The following TAS2R1 variants were observed in gnomAD, a reference collection of about 807,000 sequenced individuals.
TAS2R1 encodes taste 2 receptor member 1.
For synonymous variants in TAS2R1, 141 were observed against 134.2 expected (o/e 1.05, Z -0.35); for missense variants, 370 against 353.4 (o/e 1.05, Z -0.38).
intron 1 of TAS2R1, among the ~76,000 whole-genome samples, chr5:9,702,686 C>A (rs1741515860): frequency 6.6e-6 from 1 of 152,232 alleles, no homozygotes; most frequent in Middle Eastern, 3.4e-3. Context: ...TTAATTGAAA[C>A]AATGGGCCTG....
chr5:9,733,609 T>G, the TAS2R1 span, among the ~76,000 whole-genome samples: 1 of 152,232 alleles, frequency 6.6e-6, no homozygotes, highest in Non-Finnish European at 1.5e-5. Context: ...GCTCACATTC[T>G]GGCCTTAGAC....
At chr5:9,875,764 C>T in the TAS2R1 span, among the ~76,000 whole-genome samples, 26 of 152,232 alleles carry the variant, frequency 1.7e-4, no homozygotes, top group South Asian at 3.3e-3. Context: ...CATCTCCCTC[C>T]GAGTAGGTTA....
the TAS2R1 span, among the ~76,000 whole-genome samples, chr5:9,753,605 G>T: frequency 6.6e-6 from 1 of 152,102 alleles, no homozygotes; most frequent in Non-Finnish European, 1.5e-5. Flanking sequence ...TGGTGTTTTA[G>T]ACATGAAGTC....
At chr5:9,632,285 T>C (rs1360951890), upstream of TAS2R1, among the ~76,000 whole-genome samples, 1 of 152,232 alleles carries the variant, frequency 6.6e-6, no homozygotes, top group Non-Finnish European at 1.5e-5. Context: ...GAAAATACTT[T>C]ATTACCAAAA....
the TAS2R1 span, among the ~76,000 whole-genome samples, chr5:9,849,593 C>T: frequency 2.6e-5 from 4 of 152,238 alleles, no homozygotes; most frequent in Admixed American, 6.5e-5. Context: ...TGTGTTCCCC[C>T]CTCCTCTGGG....
At chr5:9,723,486 C>T in the TAS2R1 span, among the ~76,000 whole-genome samples, 1 of 152,210 alleles carries the variant, frequency 6.6e-6, no homozygotes, top group African/African-American at 2.4e-5. Context: ...CCTGCCACAC[C>T]TGTTCCCCAT....
At position 9,707,493 on chromosome 5, in the gene TAS2R1, G is replaced by C. The variant is rs145793966; in HGVS notation, c.-242+4679C>G. 1.0e-2 allele frequency among the ~76,000 whole-genome samples: 1,518 copies of C among 152,308 alleles called. 30 individuals carry two copies. Among genetic ancestry groups the C allele is most frequent in the African/African-American group, 0.035 (1,455 of 41,562 alleles). On this transcript the variant is annotated intron_variant, in intron 1 of 2. Transcript: ENST00000506620. The stretch of plus-strand genomic sequence containing the variant: ...ATGTTGGGAGTTCAAGACCAGCCTG[G>C]CCAACATGGGGAAACCCCGTCTCTA...
the TAS2R1 span, among the ~76,000 whole-genome samples, chr5:9,809,694 C>A: frequency 6.6e-6 from 1 of 152,112 alleles, no homozygotes; most frequent in African/African-American, 2.4e-5. Flanking sequence ...TCTTCATGTC[C>A]AGCTTAAAAT....
intron 1 of TAS2R1, among the ~76,000 whole-genome samples, chr5:9,661,496 C>CA (rs1740531404): frequency 6.6e-6 from 1 of 152,168 alleles, no homozygotes; most frequent in Non-Finnish European, 1.5e-5. Context: ...TGGAATGCCT[C>CA]AGGATGAAGG....
chr5:9,863,544 C>T, the TAS2R1 span, among the ~76,000 whole-genome samples: 3 of 152,182 alleles, frequency 2.0e-5, no homozygotes, highest in Admixed American at 1.3e-4. Context: ...GGATTACGGG[C>T]GTGAGCCACC....
intron 1 of TAS2R1, among the ~76,000 whole-genome samples, chr5:9,698,662 A>G (rs968134982): frequency 6.6e-6 from 1 of 152,168 alleles, no homozygotes; most frequent in Non-Finnish European, 1.5e-5. Flanking sequence ...GATGAATTCT[A>G]TTTAACAACA....
At chr5:9,711,979 T>G (rs1194272778) in intron 1 of TAS2R1, among the ~76,000 whole-genome samples, 6 of 144,514 alleles carry the variant, frequency 4.2e-5, no homozygotes, top group Admixed American at 3.5e-4. Flanking sequence ...TGTTCAACGT[T>G]TTTTTTTTTT....
At chr5:9,837,656 T>C in the TAS2R1 span, among the ~76,000 whole-genome samples, 1 of 152,202 alleles carries the variant, frequency 6.6e-6, no homozygotes, top group Non-Finnish European at 1.5e-5. Flanking sequence ...TCTGCTTTCC[T>C]CCATTGCACA....
upstream of TAS2R1, among the ~76,000 whole-genome samples, chr5:9,714,490 G>A (rs1734766331): frequency 6.6e-6 from 1 of 152,222 alleles, no homozygotes; most frequent in Non-Finnish European, 1.5e-5. Context: ...GGCTTCACCA[G>A]ATGTGTGATC....
chr5:9,714,072 GCACTCAC>G (rs1324778579), upstream of TAS2R1: 4 of 152,200 alleles, frequency 2.6e-5, no homozygotes, highest in East Asian at 7.7e-4. Flanking sequence ...CTTGCCTGCA[GCACTCAC>G]CAAATGCCTC....
At chr5:9,734,977 T>C in the TAS2R1 span, among the ~76,000 whole-genome samples, 1 of 151,536 alleles carries the variant, frequency 6.6e-6, no homozygotes, top group Non-Finnish European at 1.5e-5. Flanking sequence ...AGAGGTTTAA[T>C]TGATTCACAA....
At chr5:9,674,256 G>T (rs1740825978) in intron 1 of TAS2R1, among the ~76,000 whole-genome samples, 1 of 152,098 alleles carries the variant, frequency 6.6e-6, no homozygotes, top group South Asian at 2.1e-4. Context: ...CAATAAAGCA[G>T]TATATGATGA....
the TAS2R1 span, among the ~76,000 whole-genome samples, chr5:9,725,519 C>T: frequency 3.3e-5 from 5 of 152,188 alleles, no homozygotes; most frequent in South Asian, 8.3e-4. Context: ...ACCGGCGCTG[C>T]GCTCGATTTC....
the TAS2R1 span, among the ~76,000 whole-genome samples, chr5:9,796,947 T>C: frequency 0.33 from 50,308 of 151,940 alleles, 9,500 homozygotes; most frequent in Admixed American, 0.44. Context: ...GGACTGTCCT[T>C]AGTCGGCAGA....
Sources: allele counts gnomAD v4.1 joint callset (sites outside exome capture counted in the v4.1 genomes callset), GRCh38; gene constraint gnomAD v4.1.1; transcripts MANE v1.5; gene names NCBI Gene and HGNC (gene_info 2026-07-23, HGNC 2026-07-21).